PACSIN1: variants seen among roughly 807,000 people sequenced by gnomAD.
PACSIN1 encodes protein kinase C and casein kinase substrate in neurons protein 1.
PACSIN1 carries 15 observed loss-of-function variants against 59.5 expected under a neutral mutation model. The observed-to-expected ratio is 0.25, with a 90% confidence interval of 0.17 to 0.39. The LOEUF is 0.39. Ranked by LOEUF, PACSIN1 falls within the 10% of genes least tolerant of loss-of-function variation. The probability of loss-of-function intolerance (pLI) is 1.00; values close to 1 mark genes in which losing one functional copy is unlikely to be tolerated. For synonymous variants in PACSIN1, 210 were observed against 220.6 expected, an observed-to-expected ratio of 0.95 and a Z score of 0.42; for missense variants, 420 against 580.2, an observed-to-expected ratio of 0.72 and a Z score of 2.84.
intron 1 of PACSIN1, among the ~76,000 whole-genome samples, chr6:34,490,261 C>T (rs1310933788): frequency 4.1e-5 from 5 of 120,628 alleles, no homozygotes; most frequent in African/African-American, 1.3e-4. Flanking sequence ...GAGACAGGGT[C>T]TCCCTATGTT....
intron 1 of PACSIN1, among the ~76,000 whole-genome samples, chr6:34,467,838 C>T (rs1442329031): frequency 2.6e-5 from 4 of 152,102 alleles, no homozygotes; most frequent in Non-Finnish European, 5.9e-5. Flanking sequence ...GATTACAGGC[C>T]TGAGCCATCA....
intron 1 of PACSIN1, among the ~76,000 whole-genome samples, chr6:34,479,664 C>T (rs992780417): frequency 1.3e-5 from 2 of 151,906 alleles, no homozygotes; most frequent in Admixed American, 6.6e-5. Flanking sequence ...CTCTGTTGCC[C>T]GGGCTGGACT....
rs544738202 is a variant in PACSIN1 at position 34,517,337 on chromosome 6, C to G, written c.-63-8906C>G. Among the ~76,000 whole-genome samples, 8 of 152,188 alleles carry G rather than the reference C, an allele frequency of 5.3e-5. No homozygotes were observed. In the East Asian group the frequency reaches 1.5e-3, roughly 29 times the overall value. On this transcript the variant is annotated intron_variant, in intron 1 of 9. Transcript: ENST00000244458. Reference sequence around the variant, plus strand: ...CCTAGAGCTTCCCTGCCCACTCTGCCCCACCATGGTCTGCTCTTCCCCCAG... The same window carrying G: ...CCTAGAGCTTCCCTGCCCACTCTGCGCCACCATGGTCTGCTCTTCCCCCAG...
At position 34,529,845 on chromosome 6, in the gene PACSIN1, C is replaced by A. The variant is rs1369066589; in HGVS notation, c.788+4C>A. The A allele has an allele frequency of 1.2e-6, 2 of 1,612,674 alleles. No homozygotes were observed. Among genetic ancestry groups the A allele is most frequent in the Non-Finnish European group, 1.7e-6 (2 of 1,179,390 alleles). ...TCAACCTGGCTGAGAACAGCAGGTA[C>A]CTGGGCATGGCAGGCACCGAGGGCA... On this transcript the variant is annotated splice_donor_region_variant and intron_variant, in intron 6 of 9. Coordinates refer to ENST00000244458, the MANE Select transcript of PACSIN1 (RefSeq NM_020804.5). The surrounding 1 kb of genome is among the most constrained non-coding windows in gnomAD (Gnocchi z 6.3).
Position 34,516,815 on chromosome 6 carries a change from A to G in PACSIN1, c.-63-9428A>G, listed in dbSNP as rs188799393. Among the ~76,000 whole-genome samples, 44 of 152,236 alleles carry G rather than the reference A, an allele frequency of 2.9e-4. No homozygotes were observed. Among genetic ancestry groups the G allele is most frequent in the African/African-American group, 8.9e-4 (37 of 41,538 alleles). On this transcript the variant is annotated intron_variant, in intron 1 of 9. Coordinates refer to ENST00000244458, the MANE Select transcript of PACSIN1 (RefSeq NM_020804.5). This position sits in a 1 kb window ranked among gnomAD's most constrained non-coding sequence, Gnocchi z 5.4. ...ACACAACGTGCCCACAGCCCAGGGC[A>G]CCTGCCTGGAAGCCGGATTGAGACT...
intron 2 of PACSIN1, 128 bp from the exon 3 acceptor site, chr6:34,527,204 G>A (rs1767503499): frequency 3.2e-6 from 3 of 945,184 alleles, no homozygotes; most frequent in African/African-American, 1.8e-5. Flanking sequence ...GGGGGCGGGG[G>A]CGGGGACGGC....
rs118159507 is a variant in PACSIN1 at position 34,484,792 on chromosome 6, A to T, written c.-64+18522A>T. ...AAAAAATAAAATCTATTAATTAAAAAATATATATATATCCACATACACACA... is the reference window on the plus strand; with the variant it reads ...AAAAAATAAAATCTATTAATTAAAATATATATATATATCCACATACACACA... On this transcript the variant is annotated intron_variant, in intron 1 of 9. Transcript: ENST00000244458. Among the ~76,000 whole-genome samples the T allele has an allele frequency of 7.9e-5, 12 of 152,158 alleles. No homozygotes were observed. The East Asian group carries it at 1.2e-3, about 15-fold the overall frequency.
chr6:34,487,330 T>C (rs1766809795), intron 1 of PACSIN1, among the ~76,000 whole-genome samples: 1 of 152,220 alleles, frequency 6.6e-6, no homozygotes, highest in Non-Finnish European at 1.5e-5. Context: ...GTCTTCTGAC[T>C]GTCAGGATCA....
At chr6:34,504,273 T>TGG in intron 1 of PACSIN1, among the ~76,000 whole-genome samples, 1 of 76,164 alleles carries the variant, frequency 1.3e-5, no homozygotes. Flanking sequence ...TGTGTGTGTA[T>TGG]ATATATATAT....
intron 3 of PACSIN1, 43 bp from the exon 4 acceptor site, chr6:34,528,599 G>T (rs201843830): frequency 1.4e-6 from 2 of 1,441,398 alleles, no homozygotes; most frequent in East Asian, 4.5e-5. Context: ...GGGCCTCTGG[G>T]CAGGGGCAAT....
At position 34,525,640 on chromosome 6, in the gene PACSIN1, AG is replaced by A. The variant is rs1459210213; in HGVS notation, c.-63-602del. On this transcript the variant is annotated intron_variant, in intron 1 of 9. Coordinates refer to ENST00000244458, the MANE Select transcript of PACSIN1 (RefSeq NM_020804.5). The surrounding 1 kb of genome is among the most constrained non-coding windows in gnomAD (Gnocchi z 4.9). The stretch of plus-strand genomic sequence containing the variant: ...CTGAGCCATTCTTGCCTGGGGTAAC[AG>A]TGAGGCCTGGCTGGGGGAAGGGAGG... Among the ~76,000 whole-genome samples, 1 of 152,198 alleles carries A rather than the reference AG, an allele frequency of 6.6e-6. No homozygotes were observed. Among genetic ancestry groups the A allele is most frequent in the African/African-American group, 2.4e-5 (1 of 41,454 alleles).
intron 1 of PACSIN1, among the ~76,000 whole-genome samples, chr6:34,513,135 CTG>C (rs759939525): frequency 6.6e-6 from 1 of 152,176 alleles, no homozygotes; most frequent in Non-Finnish European, 1.5e-5. Context: ...TAGTCAGTGT[CTG>C]TTGAATGGAT....
chr6:34,513,432 G>A (rs1486032568), intron 1 of PACSIN1, among the ~76,000 whole-genome samples: 5 of 152,084 alleles, frequency 3.3e-5, no homozygotes, highest in African/African-American at 1.2e-4. Context: ...ACCCTTGCCC[G>A]AGGCCCTGCA....
At chr6:34,498,032 C>A (rs1766972236) in intron 1 of PACSIN1, among the ~76,000 whole-genome samples, 1 of 151,760 alleles carries the variant, frequency 6.6e-6, no homozygotes, top group Non-Finnish European at 1.5e-5. Flanking sequence ...CAGAAAAGTC[C>A]TTTGCCTGTT....
chr6:34,483,738 C>A (rs993306788), intron 1 of PACSIN1, among the ~76,000 whole-genome samples: 1 of 146,158 alleles, frequency 6.8e-6, no homozygotes, highest in African/African-American at 2.5e-5. Context: ...CTCCGCCTCC[C>A]GGGTTCACAT....
At position 34,533,232 on chromosome 6, in the gene PACSIN1, T is replaced by TGTGCCAGCC. The variant is rs981397937; in HGVS notation, c.*703_*711dup. 2 of 152,268 alleles carry TGTGCCAGCC rather than the reference T, an allele frequency of 1.3e-5. No individual in the cohort carries two copies. Among genetic ancestry groups the TGTGCCAGCC allele is most frequent in the African/African-American group, 2.4e-5 (1 of 41,440 alleles). 9.4% of individuals were successfully genotyped at this position (152,268 alleles called of 1,614,324 possible). ...GGGCATGCAGGCCCTCAGCCCGGGC[T>TGTGCCAGCC]GTGCCAGCCCTCCCAGCCCCAGGCC... On this transcript the variant is annotated 3_prime_UTR_variant, in exon 10 of 10. Transcript: ENST00000244458.
chr6:34,532,689 CAG>C lies in PACSIN1; in HGVS notation c.*162_*163del. 3.3e-6 allele frequency: 2 copies of C among 603,876 alleles called. No individual in the cohort carries two copies. The highest frequency in any genetic ancestry group is 2.0e-5 in the South Asian group (1 of 49,324). 37.4% of individuals were successfully genotyped at this position (603,876 alleles called of 1,614,324 possible). On this transcript the variant is annotated 3_prime_UTR_variant, in exon 10 of 10. Transcript: ENST00000244458. This position sits in a 1 kb window ranked among gnomAD's most constrained non-coding sequence, Gnocchi z 5.2. Reference sequence around the variant, plus strand: ...CAGAACAAAACAAAGTATGCAGAGACAGAGCATTTGCAGGGCCACCTGGAGGC... The same window carrying C: ...CAGAACAAAACAAAGTATGCAGAGACAGCATTTGCAGGGCCACCTGGAGGC...
At position 34,531,067 on chromosome 6, in the gene PACSIN1, G is replaced by A. The variant is rs1266773808; in HGVS notation, c.1037+480G>A. ...CCCCAGGGTTGGGGACCCCGGTCCA[G>A]ATCACAGGAACCAAGCCTCCTCTCT... On this transcript the variant is annotated intron_variant, in intron 8 of 9. Transcript: ENST00000244458. This position sits in a 1 kb window ranked among gnomAD's most constrained non-coding sequence, Gnocchi z 4.4. 1.3e-5 allele frequency among the ~76,000 whole-genome samples: 2 copies of A among 152,236 alleles called. No homozygotes were observed. The highest frequency in any genetic ancestry group is 1.5e-5 in the Non-Finnish European group (1 of 68,048).
In PACSIN1 at chr6:34,530,491, C is replaced by T. The variant is rs186337030; in HGVS notation, c.941C>T (p.Thr314Ile). The T allele has an allele frequency of 1.2e-6, 2 of 1,607,892 alleles. No homozygotes were observed. Among genetic ancestry groups the T allele is most frequent in the Admixed American group, 3.4e-5 (2 of 58,772 alleles). The stretch of plus-strand genomic sequence containing the variant: ...AACCCAGACCTTCCTCACACCACCA[C>T]CAAGAAGGAGAAACAGCCTAAGAAG... ...EWNPDLPHTT[T>I]KKEKQPKKAE... Residue 314 changes from threonine (T) to isoleucine (I), a missense_variant, in exon 8 of 10, where the codon ACC becomes ATC. By Grantham distance (89) the Thr-to-Ile change is moderately conservative. Transcript: ENST00000244458. This position sits in a 1 kb window ranked among gnomAD's most constrained non-coding sequence, Gnocchi z 4.4.
Sources: allele counts gnomAD v4.1 joint callset (sites outside exome capture counted in the v4.1 genomes callset), GRCh38; gene constraint gnomAD v4.1.1; non-coding constraint Gnocchi (gnomAD v3.1); transcripts MANE v1.5; gene names NCBI Gene and HGNC (gene_info 2026-07-23, HGNC 2026-07-21).